Variants in LAPTM4B observed in about 807,000 individuals in gnomAD.
LAPTM4B encodes lysosomal-associated transmembrane protein 4B.
LAPTM4B carries 26 observed loss-of-function variants against 28.5 expected under a neutral mutation model. The observed-to-expected ratio is 0.91, with a 90% CI of 0.67 to 1.27. The LOEUF is 1.27. Ranked by LOEUF, LAPTM4B falls within the 50% of genes most tolerant of loss-of-function variation. The pLI, the probability that LAPTM4B is intolerant of heterozygous loss-of-function variation, is 0.00. For synonymous variants in LAPTM4B, 109 were observed against 106.4 expected (o/e 1.02, Z -0.15); for missense variants, 288 against 285.8 (o/e 1.01, Z -0.06).
At chr8:97,847,078 C>T (rs916819440) in intron 6 of LAPTM4B, among the ~76,000 whole-genome samples, 1 of 152,210 alleles carries the variant, frequency 6.6e-6, no homozygotes, top group African/African-American at 2.4e-5. Context: ...GTTATGTAGG[C>T]TGTCACCTAG....
At chr8:97,789,677 C>T (rs1816468516) in intron 1 of LAPTM4B, among the ~76,000 whole-genome samples, 1 of 151,806 alleles carries the variant, frequency 6.6e-6, no homozygotes, top group African/African-American at 2.4e-5. Context: ...ACCATCATAC[C>T]TGGCTAATTT....
At chr8:97,802,552 C>A (rs1816699916) in intron 1 of LAPTM4B, among the ~76,000 whole-genome samples, 1 of 152,106 alleles carries the variant, frequency 6.6e-6, no homozygotes, top group Non-Finnish European at 1.5e-5. Flanking sequence ...TTTACCATCA[C>A]CTGTTTTATC....
At chr8:97,843,475 AAAAT>A (rs1179057057) in intron 6 of LAPTM4B, among the ~76,000 whole-genome samples, 1 of 152,192 alleles carries the variant, frequency 6.6e-6, no homozygotes, top group Non-Finnish European at 1.5e-5. Flanking sequence ...ACTATAGTGG[AAAAT>A]AAATAAATCA....
intron 6 of LAPTM4B, among the ~76,000 whole-genome samples, chr8:97,837,546 GT>G (rs879904623): frequency 1.9e-4 from 28 of 148,436 alleles, no homozygotes; most frequent in East Asian, 1.4e-3. Context: ...AATGAGTTCT[GT>G]TTTTTTTTTC....
intron 2 of LAPTM4B, among the ~76,000 whole-genome samples, chr8:97,813,945 A>G (rs1426228233): frequency 6.6e-6 from 1 of 152,236 alleles, no homozygotes; most frequent in Non-Finnish European, 1.5e-5. Context: ...GTTCATTTTT[A>G]TAAAATTATT....
intron 6 of LAPTM4B, among the ~76,000 whole-genome samples, chr8:97,836,828 C>T (rs1011688582): frequency 3.3e-5 from 5 of 152,000 alleles, no homozygotes; most frequent in African/African-American, 1.2e-4. Context: ...GTTTTAACTT[C>T]AAAAAGTATT....
In LAPTM4B at chr8:97,810,880, A is replaced by C. The variant is rs1182889039; in HGVS notation, c.212-4448A>C. ...AGAAATGATGGCTACTTATATATAC[A>C]GTCACCTGATTTAGGCTAAAGACAC... On this transcript the variant is annotated intron_variant, in intron 2 of 6. Transcript: ENST00000521545. Among the ~76,000 whole-genome samples the C allele has an allele frequency of 3.9e-5, 6 of 152,360 alleles. No homozygotes were observed. In the East Asian group the frequency reaches 1.2e-3, roughly 29 times the overall value.
intron 1 of LAPTM4B, among the ~76,000 whole-genome samples, chr8:97,789,154 A>T (rs1816457513): frequency 7.0e-6 from 1 of 142,426 alleles, no homozygotes; most frequent in African/African-American, 2.6e-5. Flanking sequence ...ACTTACTGCA[A>T]CCTCCGCCTC....
chr8:97,816,124 G>T lies in LAPTM4B; in HGVS notation c.352G>T (p.Val118Phe), dbSNP rs141075645. ...QIFDFALNML[V>F]AITVLIYPNS... Reference sequence around the variant, plus strand: ...CTTTGACTTTGCCCTGAACATGTTGGTTGCAATCACTGTGCTTATTTATCC... The same window carrying T: ...CTTTGACTTTGCCCTGAACATGTTGTTTGCAATCACTGTGCTTATTTATCC... Residue 118 changes from valine to phenylalanine, a missense_variant, in exon 4 of 7, where the codon GTT becomes TTT. Val to Phe is a conservative substitution (Grantham distance 50). Transcript: ENST00000521545. The T allele has an allele frequency of 1.3e-4, 213 of 1,613,818 alleles. 2 individuals carry two copies. In the Middle Eastern group the frequency reaches 1.5e-3, roughly 11 times the overall value.
At chr8:97,815,471 A>G (rs1220824159) in intron 3 of LAPTM4B, 70 bp downstream of exon 3, 20 of 1,067,914 alleles carry the variant, frequency 1.9e-5, no homozygotes, top group Middle Eastern at 2.2e-4. Flanking sequence ...GCTGCTGTCT[A>G]TAGTGAGAAG....
chr8:97,795,964 C>G (rs900484520), intron 1 of LAPTM4B, among the ~76,000 whole-genome samples: 3 of 152,092 alleles, frequency 2.0e-5, no homozygotes, highest in Non-Finnish European at 4.4e-5. Context: ...GCTGTTTTCC[C>G]CACTCACCTT....
chr8:97,851,463 G>C lies in LAPTM4B; in HGVS notation c.670G>C (p.Val224Leu), dbSNP rs777207562. The C allele has an allele frequency of 1.2e-6, 2 of 1,613,796 alleles. No individual in the cohort carries two copies. The change falls in exon 7 of 7, where the codon GTG (valine) becomes CTG (leucine). Residue 224 changes from valine to leucine, a missense_variant. Coordinates refer to ENST00000521545, the MANE Select transcript of LAPTM4B (RefSeq NM_018407.6). ...GAAKEPPPPY[V>L]SA Reference sequence around the variant, plus strand: ...TGCCAAGGAGCCACCGCCACCTTACGTGTCTGCCTAAGCCTTCAAGTGGGC... The same window carrying C: ...TGCCAAGGAGCCACCGCCACCTTACCTGTCTGCCTAAGCCTTCAAGTGGGC...
At chr8:97,847,768 A>G (rs1817453644) in intron 6 of LAPTM4B, among the ~76,000 whole-genome samples, 2 of 152,230 alleles carry the variant, frequency 1.3e-5, no homozygotes, top group South Asian at 4.1e-4. Flanking sequence ...AACTAGTCCC[A>G]CGTGGAGAAC....
chr8:97,843,513 C>G (rs188172745), intron 6 of LAPTM4B, among the ~76,000 whole-genome samples: 2 of 152,182 alleles, frequency 1.3e-5, no homozygotes, highest in Non-Finnish European at 2.9e-5. Flanking sequence ...CACAGTGGCT[C>G]ACACCTGTAA....
In LAPTM4B at chr8:97,808,257, T is replaced by G. The variant is rs527395143; in HGVS notation, c.211+2793T>G. Among the ~76,000 whole-genome samples the G allele has an allele frequency of 3.3e-5, 5 of 151,938 alleles. No individual in the cohort carries two copies. The East Asian group carries it at 9.9e-4, about 30-fold the overall frequency. ...GAGGTCAGGAGTTGCGAGATCAGCC[T>G]GTCCAACATGGCAAAACCCCATCTC... On this transcript the variant is annotated intron_variant, in intron 2 of 6. Coordinates refer to ENST00000521545, the MANE Select transcript of LAPTM4B (RefSeq NM_018407.6).
intron 1 of LAPTM4B, among the ~76,000 whole-genome samples, chr8:97,802,966 C>T (rs1055647336): frequency 4.6e-5 from 7 of 151,820 alleles, no homozygotes; most frequent in African/African-American, 9.7e-5. Context: ...TTTGGGAGGC[C>T]GAGGCGGGTG....
intron 2 of LAPTM4B, among the ~76,000 whole-genome samples, chr8:97,808,828 G>C (rs552480932): frequency 5.5e-4 from 83 of 151,952 alleles, no homozygotes; most frequent in African/African-American, 1.9e-3. Context: ...AGGTGTGGTG[G>C]CGTGTGTCTG....
chr8:97,852,970 G>C lies in LAPTM4B; in HGVS notation c.*1496G>C. ...AAAAAGCCAAACAGAAGTAGAAAAA[G>C]GTGTAGCCGGCATACAAATGTTATC... is the stretch of plus-strand genomic sequence containing the variant. On this transcript the variant is annotated 3_prime_UTR_variant, in exon 7 of 7. Coordinates refer to ENST00000521545, the MANE Select transcript of LAPTM4B (RefSeq NM_018407.6). The C allele has an allele frequency of 1.8e-6, 1 of 561,128 alleles. No individual in the cohort carries two copies. 34.8% of individuals were successfully genotyped at this position (561,128 alleles called of 1,614,324 possible).
At chr8:97,843,161 G>T (rs974307337) in intron 6 of LAPTM4B, among the ~76,000 whole-genome samples, 1 of 152,202 alleles carries the variant, frequency 6.6e-6, no homozygotes, top group African/African-American at 2.4e-5. Context: ...GATTACAGGC[G>T]TGAGCCACCG....
Sources: gnomAD v4.1 joint callset for allele counts (sites outside exome capture counted in the v4.1 genomes callset) on GRCh38, gnomAD v4.1.1 for gene constraint, MANE v1.5 for transcripts, NCBI Gene and HGNC (gene_info 2026-07-23, HGNC 2026-07-21) for gene names.